Variants in GPC5 observed in about 807,000 individuals in gnomAD.
GPC5 encodes the protein glypican-5.
In GPC5, 47 loss-of-function variants were observed where a neutral mutation model predicts 53.9. The ratio of observed to expected loss-of-function variants is 0.87; its 90% CI spans 0.69 to 1.11. The LOEUF (loss-of-function observed/expected upper bound fraction) is 1.11. GPC5 is among the 50% of genes most tolerant of loss of function. The probability of loss-of-function intolerance (pLI) is 0.00; values close to 1 mark genes in which losing one functional copy is unlikely to be tolerated. For synonymous variants in GPC5, 286 were observed against 263.3 expected (o/e 1.09, Z -0.84); for missense variants, 748 against 713.1 (o/e 1.05, Z -0.56).
chr13:91,867,332 C>T (rs1453505032), intron 5 of GPC5, among the ~76,000 whole-genome samples: 5 of 152,222 alleles, frequency 3.3e-5, no homozygotes, highest in African/African-American at 1.2e-4. Context: ...ACTTACATGA[C>T]ATGTTTGCCT....
At chr13:91,856,877 A>G (rs2038972907) in intron 5 of GPC5, among the ~76,000 whole-genome samples, 2 of 151,254 alleles carry the variant, frequency 1.3e-5, no homozygotes, top group Non-Finnish European at 3.0e-5. Context: ...TTATATCAGA[A>G]TCTTTATAGC....
chr13:91,988,474 A>G (rs771980483), intron 6 of GPC5, among the ~76,000 whole-genome samples: 1 of 152,152 alleles, frequency 6.6e-6, no homozygotes, highest in Non-Finnish European at 1.5e-5. Flanking sequence ...TATTAACTAC[A>G]CAGGATTCTA....
intron 7 of GPC5, among the ~76,000 whole-genome samples, chr13:92,620,875 A>T (rs7982775): frequency 0.17 from 26,474 of 152,196 alleles, 2,645 homozygotes; most frequent in Non-Finnish European, 0.21. Flanking sequence ...ACTTTATCCC[A>T]ATTCAAGAAG....
intron 2 of GPC5, among the ~76,000 whole-genome samples, chr13:91,496,036 AAT>A (rs1411026303): frequency 9.8e-5 from 10 of 102,118 alleles, no homozygotes; most frequent in Non-Finnish European, 1.9e-4. Context: ...AAAAATAAAA[AAT>A]AAAAAATAAA....
At chr13:92,213,119 C>A (rs1454727654) in intron 7 of GPC5, among the ~76,000 whole-genome samples, 1 of 152,200 alleles carries the variant, frequency 6.6e-6, no homozygotes, top group African/African-American at 2.4e-5. Context: ...TCTCTGAACT[C>A]AAAGCTCAGG....
At chr13:92,056,427 T>A (rs1263707129) in intron 6 of GPC5, among the ~76,000 whole-genome samples, 1 of 152,168 alleles carries the variant, frequency 6.6e-6, no homozygotes, top group African/African-American at 2.4e-5. Flanking sequence ...TGAGGTAACA[T>A]ACTCACAGGT....
At chr13:92,673,795 A>G (rs17188578) in intron 7 of GPC5, among the ~76,000 whole-genome samples, 33,635 of 152,090 alleles carry the variant, frequency 0.22, 4,388 homozygotes, top group South Asian at 0.36. Flanking sequence ...TAGCTTACAG[A>G]ACAGAAATCT....
At chr13:91,846,136 G>T (rs2038846242) in intron 5 of GPC5, among the ~76,000 whole-genome samples, 1 of 152,064 alleles carries the variant, frequency 6.6e-6, no homozygotes, top group African/African-American at 2.4e-5. Context: ...GACCTGAAAA[G>T]TACCTATATG....
At chr13:91,565,282 G>A (rs2031478811) in intron 2 of GPC5, among the ~76,000 whole-genome samples, 1 of 152,114 alleles carries the variant, frequency 6.6e-6, no homozygotes, top group South Asian at 2.1e-4. Flanking sequence ...GAGCCACTGT[G>A]CCTGGCCAAA....
chr13:92,339,018 C>T (rs890165812), intron 7 of GPC5, among the ~76,000 whole-genome samples: 19 of 151,976 alleles, frequency 1.3e-4, no homozygotes, highest in African/African-American at 4.1e-4. Context: ...GTATCTTCCT[C>T]TCCATTTTTG....
chr13:91,532,428 G>C (rs1886392794), intron 2 of GPC5, among the ~76,000 whole-genome samples: 1 of 152,232 alleles, frequency 6.6e-6, no homozygotes, highest in South Asian at 2.1e-4. Context: ...AGTTTCTGAT[G>C]ATCAGAAACC....
intron 5 of GPC5, among the ~76,000 whole-genome samples, chr13:91,797,427 T>C (rs1309922052): frequency 6.6e-6 from 1 of 152,138 alleles, no homozygotes; most frequent in Non-Finnish European, 1.5e-5. Flanking sequence ...TCCCTAATAG[T>C]CTATTTTAAT....
At chr13:92,128,857 G>A (rs914419435) in intron 6 of GPC5, among the ~76,000 whole-genome samples, 3 of 152,188 alleles carry the variant, frequency 2.0e-5, no homozygotes, top group Non-Finnish European at 4.4e-5. Context: ...CAGCTATTCA[G>A]GAGGCTGAGG....
At chr13:92,244,999 CT>C (rs2042639781) in intron 7 of GPC5, among the ~76,000 whole-genome samples, 1 of 148,178 alleles carries the variant, frequency 6.7e-6, no homozygotes, top group Non-Finnish European at 1.5e-5. Flanking sequence ...GATTGGGCCA[CT>C]GCACTCCAGT....
intron 5 of GPC5, among the ~76,000 whole-genome samples, chr13:91,823,803 C>T (rs1222510239): frequency 1.3e-5 from 2 of 152,030 alleles, no homozygotes; most frequent in African/African-American, 2.4e-5. Context: ...ATCTCCACCC[C>T]TTATTTGATT....
intron 2 of GPC5, among the ~76,000 whole-genome samples, chr13:91,549,267 TAA>T (rs35941677): frequency 6.9e-6 from 1 of 144,924 alleles, no homozygotes; most frequent in Non-Finnish European, 1.5e-5. Flanking sequence ...AAGATTCCAT[TAA>T]AAAAAAAAAG....
chr13:91,609,842 A>G (rs1226205492), intron 2 of GPC5, among the ~76,000 whole-genome samples: 1 of 152,180 alleles, frequency 6.6e-6, no homozygotes, highest in Non-Finnish European at 1.5e-5. Context: ...GCTGTTCCAG[A>G]TAGTTCTCCT....
chr13:91,702,265 T>C (rs1463433673), intron 3 of GPC5, among the ~76,000 whole-genome samples: 2 of 152,142 alleles, frequency 1.3e-5, no homozygotes, highest in Non-Finnish European at 2.9e-5. Flanking sequence ...TGTTGATTGT[T>C]TCCTTGGATA....
intron 2 of GPC5, among the ~76,000 whole-genome samples, chr13:91,670,204 C>G (rs746612): frequency 0.25 from 37,933 of 152,020 alleles, 6,624 homozygotes; most frequent in African/African-American, 0.49. Flanking sequence ...ATACAATTTT[C>G]CTTTGCTCTC....
Sources: gnomAD v4.1 joint callset for allele counts (sites outside exome capture counted in the v4.1 genomes callset) on GRCh38, gnomAD v4.1.1 for gene constraint, MANE v1.5 for transcripts, NCBI Gene and HGNC (gene_info 2026-07-23, HGNC 2026-07-21) for gene names.